The following CSRP2 variants were observed in gnomAD, a reference collection of about 807,000 sequenced individuals.
The protein encoded by CSRP2 is cysteine and glycine rich protein 2, also known as cysteine and glycine-rich protein 2.
Under a neutral mutation model 24.6 loss-of-function variants are expected in CSRP2, and 18 were observed. The observed-to-expected ratio is 0.73, with a 90% CI of 0.51 to 1.09. The LOEUF (loss-of-function observed/expected upper bound fraction) is 1.09. CSRP2 is among the 50% of genes least tolerant of loss of function. The probability of loss-of-function intolerance (pLI) is 0.00; values close to 1 mark genes in which losing one functional copy is unlikely to be tolerated. For missense variants in CSRP2, 215 were observed against 239.4 expected, an observed-to-expected ratio of 0.90 and a Z score of 0.67; for synonymous variants, 87 against 84.3, an observed-to-expected ratio of 1.03 and a Z score of -0.18.
In CSRP2 at chr12:76,866,330, G is replaced by A. The variant is rs1177081300; in HGVS notation, c.-1-69C>T. ...TACGGCTCCCTAGAGGGCTATTTAA[G>A]CCCAGGGACAGCTGCAGATTTTCGT... On this transcript the variant is annotated intron_variant, in intron 1 of 5. Coordinates refer to ENST00000311083, the MANE Select transcript of CSRP2 (RefSeq NM_001321.3). The A allele has an allele frequency of 4.1e-6, 5 of 1,209,232 alleles. No homozygotes were observed. In the Admixed American group the frequency reaches 1.0e-4, roughly 25 times the overall value. 74.9% of individuals were successfully genotyped at this position (1,209,232 alleles called of 1,614,324 possible). A position where few individuals can be genotyped will look rare whatever the true frequency, so the allele number is the denominator to read the frequency against.
chr12:76,869,444 T>C (rs528834440), intron 1 of CSRP2, among the ~76,000 whole-genome samples: 1 of 152,134 alleles, frequency 6.6e-6, no homozygotes, highest in Non-Finnish European at 1.5e-5. Flanking sequence ...CTGTGCCTTA[T>C]CTTATCCTGC....
chr12:76,874,785 G>A (rs753830300), intron 1 of CSRP2, among the ~76,000 whole-genome samples: 2 of 152,150 alleles, frequency 1.3e-5, no homozygotes, highest in African/African-American at 2.4e-5. Flanking sequence ...GAGCGGGAAC[G>A]CTATTGTGAA....
At chr12:76,871,166 T>C (rs1412365147) in intron 1 of CSRP2, among the ~76,000 whole-genome samples, 1 of 151,954 alleles carries the variant, frequency 6.6e-6, no homozygotes, top group African/African-American at 2.4e-5. Flanking sequence ...TTTCTCAAGC[T>C]AAAAATGGGG....
chr12:76,877,870 G>A (rs1953866341), intron 1 of CSRP2, among the ~76,000 whole-genome samples: 2 of 152,120 alleles, frequency 1.3e-5, no homozygotes, highest in Non-Finnish European at 1.5e-5. Flanking sequence ...CATTTTATGA[G>A]GAGAGTTTTA....
intron 1 of CSRP2, among the ~76,000 whole-genome samples, chr12:76,872,939 A>C (rs533550531): frequency 6.6e-6 from 1 of 152,336 alleles, no homozygotes; most frequent in African/African-American, 2.4e-5. Flanking sequence ...GAGCCGTATG[A>C]TAATCAAGAG....
chr12:76,871,572 C>T (rs1182325241), intron 1 of CSRP2, among the ~76,000 whole-genome samples: 2 of 152,108 alleles, frequency 1.3e-5, no homozygotes, highest in South Asian at 2.1e-4. Context: ...AGATCAAGAC[C>T]ATCCTGGCTA....
chr12:76,865,945 A>T (rs73129307), intron 2 of CSRP2: 1 of 575,924 alleles, frequency 1.7e-6, no homozygotes, highest in Non-Finnish European at 3.1e-6. Flanking sequence ...CTATGGGGAC[A>T]CAAAGGGAGG....
chr12:76,878,033 AGACTGC>A (rs1953869615), intron 1 of CSRP2, among the ~76,000 whole-genome samples: 2 of 125,264 alleles, frequency 1.6e-5, no homozygotes, highest in South Asian at 5.4e-4. Flanking sequence ...CTTGGTTTGC[AGACTGC>A]AAATAAAACA....
In CSRP2 at chr12:76,859,647, G is replaced by A. The variant is rs376687994; in HGVS notation, c.412-7C>T. On this transcript the variant is annotated splice_polypyrimidine_tract_variant and splice_region_variant and intron_variant, in intron 4 of 5. Coordinates refer to ENST00000311083, the MANE Select transcript of CSRP2 (RefSeq NM_001321.3). Reference sequence around the variant, plus strand: ...AACAGTTTTTGTGCCAGGGCTGGAAGAGATGAATGTGTCAGCATGTTTGAG... The same window carrying A: ...AACAGTTTTTGTGCCAGGGCTGGAAAAGATGAATGTGTCAGCATGTTTGAG... 3.1e-6 allele frequency: 5 copies of A among 1,606,798 alleles called. No individual in the cohort carries two copies. The highest frequency in any genetic ancestry group is 4.5e-5 in the East Asian group (2 of 44,856).
chr12:76,875,371 G>C (rs549939971), intron 1 of CSRP2, among the ~76,000 whole-genome samples: 4 of 152,014 alleles, frequency 2.6e-5, no homozygotes, highest in Admixed American at 1.3e-4. Context: ...GCTACCACTC[G>C]TGTCTTCAAC....
intron 2 of CSRP2, chr12:76,864,332 G>GAAGGGTAGGGTA (rs1304910708): frequency 1.3e-5 from 2 of 152,120 alleles, no homozygotes; most frequent in African/African-American, 4.8e-5. Flanking sequence ...CAGAAGCTCG[G>GAAGGGTAGGGTA]AAGGGTAGGG....
At chr12:76,860,693 C>A (rs1219461846) in intron 3 of CSRP2, 1 of 274,556 alleles carries the variant, frequency 3.6e-6, no homozygotes, top group Non-Finnish European at 6.9e-6. Flanking sequence ...AATTCATTTA[C>A]TCCTCAGTGT....
At chr12:76,874,411 A>G (rs1953832966) in intron 1 of CSRP2, among the ~76,000 whole-genome samples, 1 of 152,202 alleles carries the variant, frequency 6.6e-6, no homozygotes, top group African/African-American at 2.4e-5. Context: ...TTAACCTCTG[A>G]GCCTTAACTT....
In CSRP2 at chr12:76,858,805, C is replaced by T. The variant is rs1953645279; in HGVS notation, c.*147G>A. On this transcript the variant is annotated 3_prime_UTR_variant, in exon 6 of 6. Transcript: ENST00000311083. ...AAGGATACCATACAGTGCTCTCTTCCTACGAGTTAGCCAGCCTATCCAAGT... is the reference window on the plus strand; with the variant it reads ...AAGGATACCATACAGTGCTCTCTTCTTACGAGTTAGCCAGCCTATCCAAGT... The T allele has an allele frequency of 1.5e-6, 1 of 646,980 alleles. No individual in the cohort carries two copies. Among genetic ancestry groups the T allele is most frequent in the Non-Finnish European group, 2.7e-6 (1 of 365,868 alleles). The allele number at this position is 646,980 out of a possible 1,614,324, so 40.1% of individuals were successfully genotyped here.
chr12:76,867,265 G>T lies in CSRP2; in HGVS notation c.-1-1004C>A, dbSNP rs1427744577. ...GCACTTTCGGAGGCCGAGGTGGGTG[G>T]ATCACCTGAGGTCAGGAGTTTGAGA... On this transcript the variant is annotated intron_variant, in intron 1 of 5. Coordinates refer to ENST00000311083, the MANE Select transcript of CSRP2 (RefSeq NM_001321.3). 2.7e-5 allele frequency among the ~76,000 whole-genome samples: 4 copies of T among 150,380 alleles called. No individual in the cohort carries two copies. The East Asian group carries it at 7.9e-4, about 30-fold the overall frequency.
intron 2 of CSRP2, among the ~76,000 whole-genome samples, chr12:76,865,158 C>T (rs1296603687): frequency 3.9e-5 from 6 of 152,200 alleles, no homozygotes; most frequent in African/African-American, 1.2e-4. Flanking sequence ...ATGTCAACAG[C>T]ATACACGCAT....
Position 76,878,989 on chromosome 12 carries a change from T to C in CSRP2, c.-53A>G, listed in dbSNP as rs1311038661. 2 of 152,138 alleles carry C rather than the reference T, an allele frequency of 1.3e-5. No individual in the cohort carries two copies. The highest frequency in any genetic ancestry group is 4.8e-5 in the African/African-American group (2 of 41,392). 9.4% of individuals were successfully genotyped at this position (152,138 alleles called of 1,614,324 possible). On this transcript the variant is annotated 5_prime_UTR_variant, in exon 1 of 6. Transcript: ENST00000311083. Reference sequence around the variant, plus strand: ...GCAGGCGGAGCTAGCGAGGCTGGGCTGGAGGGAGGGTCCAGGGAGTCCGAG... The same window carrying C: ...GCAGGCGGAGCTAGCGAGGCTGGGCCGGAGGGAGGGTCCAGGGAGTCCGAG...
chr12:76,877,589 AAC>A lies in CSRP2; in HGVS notation c.-2+1347_-2+1348del, dbSNP rs1953864182. 2.6e-5 allele frequency among the ~76,000 whole-genome samples: 4 copies of A among 152,356 alleles called. No individual in the cohort carries two copies. In the South Asian group the frequency reaches 8.3e-4, roughly 32 times the overall value. ...GTGATGCAGGTCTGGTCTCAAAGGT[AAC>A]ACAGAACCAAAAGAGCAAAGAAAAC... On this transcript the variant is annotated intron_variant, in intron 1 of 5. Transcript: ENST00000311083.
In CSRP2 at chr12:76,859,480, A is replaced by C. The variant is rs767173099; in HGVS notation, c.505+67T>G. 621 of 1,022,940 alleles carry C rather than the reference A, an allele frequency of 6.1e-4. 1 individual carries two copies. The highest frequency in any genetic ancestry group is 8.4e-4 in the Non-Finnish European group (576 of 685,248). The allele number at this position is 1,022,940 out of a possible 1,614,324, so 63.4% of individuals were successfully genotyped here. On this transcript the variant is annotated intron_variant, in intron 5 of 5. Transcript: ENST00000311083. ...TCTTTTTTTTTTTTTAATGCCAGTG[A>C]CATTTCATTAAACAAGAACCAGTGT...
Sources: allele counts gnomAD v4.1 joint callset (sites outside exome capture counted in the v4.1 genomes callset), GRCh38; gene constraint gnomAD v4.1.1; transcripts MANE v1.5; gene names NCBI Gene and HGNC (gene_info 2026-07-23, HGNC 2026-07-21).